Variants in ERGIC1 observed in about 807,000 individuals in gnomAD.
ERGIC1 encodes the protein endoplasmic reticulum-Golgi intermediate compartment protein 1.
In ERGIC1, 19 loss-of-function variants were observed where a neutral mutation model predicts 38.3. That is an observed-to-expected ratio of 0.50 (90% confidence interval 0.35 to 0.73). ERGIC1 has a LOEUF of 0.73. Ranked by LOEUF, ERGIC1 falls within the 30% of genes least tolerant of loss-of-function variation. The pLI, the probability that ERGIC1 is intolerant of heterozygous loss-of-function variation, is 0.01. For missense variants in ERGIC1, 294 were observed against 389.2 expected, an observed-to-expected ratio of 0.76 and a Z score of 2.06; for synonymous variants, 124 against 157.6, an observed-to-expected ratio of 0.79 and a Z score of 1.60.
At chr5:172,841,287 C>A (rs1300482393) in intron 1 of ERGIC1, among the ~76,000 whole-genome samples, 1 of 152,214 alleles carries the variant, frequency 6.6e-6, no homozygotes, top group African/African-American at 2.4e-5. Context: ...GTTCTCCATA[C>A]AGCCAAGAGC....
chr5:172,898,253 T>C (rs1395808730), intron 3 of ERGIC1: 2 of 176,868 alleles, frequency 1.1e-5, no homozygotes, highest in African/African-American at 4.9e-5. Context: ...AGACTCTCAT[T>C]ATACAAGCAT....
At chr5:172,856,152 C>G (rs1561703256) in intron 1 of ERGIC1, among the ~76,000 whole-genome samples, 1 of 152,128 alleles carries the variant, frequency 6.6e-6, no homozygotes, top group South Asian at 2.1e-4. Flanking sequence ...ATCCCTGCAT[C>G]CCTAGGGGTG....
chr5:172,907,112 C>T lies in ERGIC1; in HGVS notation c.156-2555C>T, dbSNP rs79368608. On this transcript the variant is annotated intron_variant, in intron 3 of 9. Coordinates refer to ENST00000393784, the MANE Select transcript of ERGIC1 (RefSeq NM_001031711.3). ...TACGTGGGTTCCTACAGCCCTCCTC[C>T]TCTCCATTCCCATCCCACCCCATCC... Among the ~76,000 whole-genome samples, 1,252 of 152,336 alleles carry T rather than the reference C, an allele frequency of 8.2e-3. 9 individuals carry two copies. Among genetic ancestry groups the T allele is most frequent in the African/African-American group, 0.028 (1,178 of 41,572 alleles).
chr5:172,872,163 G>T (rs776866518), intron 1 of ERGIC1, among the ~76,000 whole-genome samples: 2 of 151,934 alleles, frequency 1.3e-5, no homozygotes, highest in Non-Finnish European at 2.9e-5. Flanking sequence ...GGCCTCAGGG[G>T]GCCATGAAGC....
chr5:172,843,185 C>G (rs1446886234), intron 1 of ERGIC1, among the ~76,000 whole-genome samples: 1 of 152,184 alleles, frequency 6.6e-6, no homozygotes, highest in East Asian at 1.9e-4. Flanking sequence ...ATTTTTGCCA[C>G]TGAGTTTAAG....
chr5:172,839,685 C>T lies in ERGIC1; in HGVS notation c.20+5252C>T, dbSNP rs73323168. Among the ~76,000 whole-genome samples, 672 of 152,108 alleles carry T rather than the reference C, an allele frequency of 4.4e-3. 6 individuals carry two copies. Among genetic ancestry groups the T allele is most frequent in the African/African-American group, 0.015 (633 of 41,502 alleles). On this transcript the variant is annotated intron_variant, in intron 1 of 9. Transcript: ENST00000393784. ...CCAGAGAGAAAATTATGTGAAAAGG[C>T]CAGTATTTCGGGTTTATTGAACATT...
At chr5:172,887,153 G>A (rs1173562653) in intron 1 of ERGIC1, among the ~76,000 whole-genome samples, 2 of 152,198 alleles carry the variant, frequency 1.3e-5, no homozygotes, top group Non-Finnish European at 2.9e-5. Context: ...AGGTTTCCAA[G>A]GCATTGCGTC....
intron 9 of ERGIC1, chr5:172,937,612 G>C (rs1763915237): frequency 6.6e-6 from 1 of 152,138 alleles, no homozygotes; most frequent in Non-Finnish European, 1.5e-5. Flanking sequence ...TGACACTGCA[G>C]TGGGCCATGA....
chr5:172,879,592 G>A lies in ERGIC1; in HGVS notation c.21-9107G>A, dbSNP rs115345428. On this transcript the variant is annotated intron_variant, in intron 1 of 9. Transcript: ENST00000393784. ...TGCTTTGTTTTTTTTCCAAGTGAGC[G>A]CTGCCTTCTCAGGCACAGAGCAAAA... Among the ~76,000 whole-genome samples the A allele has an allele frequency of 6.6e-3, 1,003 of 152,146 alleles. 11 individuals carry two copies. Among genetic ancestry groups the A allele is most frequent in the African/African-American group, 0.023 (962 of 41,504 alleles).
At chr5:172,842,057 C>G (rs971602916) in intron 1 of ERGIC1, among the ~76,000 whole-genome samples, 4 of 152,098 alleles carry the variant, frequency 2.6e-5, no homozygotes, top group African/African-American at 9.7e-5. Flanking sequence ...AGAGCACCCT[C>G]TTTTTTGAGA....
intron 1 of ERGIC1, among the ~76,000 whole-genome samples, chr5:172,861,185 A>ACACC (rs1761689664): frequency 6.6e-6 from 1 of 152,102 alleles, no homozygotes; most frequent in Non-Finnish European, 1.5e-5. Flanking sequence ...GGCCAGCCAC[A>ACACC]CACCCACCTC....
In ERGIC1 at chr5:172,896,909, G is replaced by GTCCTCT. The variant is rs552556350; in HGVS notation, c.83-89_83-88insCTTCCT. 1.6e-5 allele frequency: 19 copies of GTCCTCT among 1,213,932 alleles called. No homozygotes were observed. In the South Asian group the frequency reaches 2.3e-4, roughly 15 times the overall value. The allele number at this position is 1,213,932 out of a possible 1,614,324, so 75.2% of individuals were successfully genotyped here. The stretch of plus-strand genomic sequence containing the variant: ...TCTGTGGGCACAGCCCCACACCCTT[G>GTCCTCT]TCCTGGGGCCTCTTTCCTCTTCCCT... On this transcript the variant is annotated intron_variant, in intron 2 of 9. Transcript: ENST00000393784.
At chr5:172,841,599 G>A (rs1008730821) in intron 1 of ERGIC1, among the ~76,000 whole-genome samples, 4 of 152,202 alleles carry the variant, frequency 2.6e-5, no homozygotes, top group Non-Finnish European at 4.4e-5. Context: ...CAGAGGACCC[G>A]GATGTCCCTG....
At chr5:172,941,065 G>C (rs1764000764) in intron 9 of ERGIC1, among the ~76,000 whole-genome samples, 1 of 152,186 alleles carries the variant, frequency 6.6e-6, no homozygotes, top group Non-Finnish European at 1.5e-5. Context: ...GATCTCCTGA[G>C]GCTAAGAGTT....
Position 172,926,731 on chromosome 5 carries a change from AC to A in ERGIC1, c.541+165del, listed in dbSNP as rs1405219541. 3 of 755,694 alleles carry A rather than the reference AC, an allele frequency of 4.0e-6. No homozygotes were observed. Among genetic ancestry groups the A allele is most frequent in the Non-Finnish European group, 6.5e-6 (3 of 458,288 alleles). 46.8% of individuals were successfully genotyped at this position (755,694 alleles called of 1,614,324 possible). On this transcript the variant is annotated intron_variant, in intron 7 of 9. Transcript: ENST00000393784. This position sits in a 1 kb window ranked among gnomAD's most constrained non-coding sequence, Gnocchi z 5.2. Reference sequence around the variant, plus strand: ...CCACAGCTAACCAGTGGGAAGGTGGACCCAGCCCCGTCCAGACCCAGACCCT... The same window carrying A: ...CCACAGCTAACCAGTGGGAAGGTGGACCAGCCCCGTCCAGACCCAGACCCT...
chr5:172,892,443 A>G (rs990624942), intron 2 of ERGIC1, among the ~76,000 whole-genome samples: 17 of 152,130 alleles, frequency 1.1e-4, no homozygotes, highest in Non-Finnish European at 2.2e-4. Flanking sequence ...TCAGGGTTTA[A>G]ATGTTGCCTC....
At chr5:172,848,072 G>A (rs1167129470) in intron 1 of ERGIC1, among the ~76,000 whole-genome samples, 1 of 152,230 alleles carries the variant, frequency 6.6e-6, no homozygotes, top group Non-Finnish European at 1.5e-5. Flanking sequence ...GCCACCCTGA[G>A]GCTTTCTCGT....
intron 9 of ERGIC1, among the ~76,000 whole-genome samples, chr5:172,939,985 G>T (rs1763973851): frequency 6.6e-6 from 1 of 152,206 alleles, no homozygotes; most frequent in Non-Finnish European, 1.5e-5. Flanking sequence ...TCAAACACTT[G>T]CGTGCAAAGC....
chr5:172,896,918 C>G, intron 2 of ERGIC1, 84 bp from the exon 3 acceptor site: 5,920 of 1,065,064 alleles, frequency 5.6e-3, no homozygotes, highest in Non-Finnish European at 7.8e-3. Context: ...TGTCCTGGGG[C>G]CTCTTTCCTC....
Sources: gnomAD v4.1 joint callset for allele counts (sites outside exome capture counted in the v4.1 genomes callset) on GRCh38, gnomAD v4.1.1 for gene constraint, Gnocchi (gnomAD v3.1) non-coding constraint, MANE v1.5 for transcripts, NCBI Gene and HGNC (gene_info 2026-07-23, HGNC 2026-07-21) for gene names.